The following COG8 variants were observed in gnomAD, a reference collection of about 807,000 sequenced individuals.
COG8 encodes the protein component of oligomeric golgi complex 8, also known as conserved oligomeric Golgi complex subunit 8.
A neutral mutation model predicts 46.5 loss-of-function variants in COG8; 45 were observed. That is an observed-to-expected ratio of 0.97 (90% confidence interval 0.76 to 1.24). The LOEUF is 1.24. Among genes scored for constraint, COG8 ranks in the 50% most tolerant of loss-of-function variants. The pLI, the probability that COG8 is intolerant of heterozygous loss-of-function variation, is 0.00. For synonymous variants in COG8, 407 were observed against 347.8 expected (o/e 1.17, Z -1.90); for missense variants, 793 against 820.8 (o/e 0.97, Z 0.41).
At chr16:69,338,971 C>A (rs761509409) in intron 1 of COG8, 17 of 711,120 alleles carry the variant, frequency 2.4e-5, no homozygotes, top group Admixed American at 8.8e-5. Flanking sequence ...TCCAGCCTGG[C>A]GACAGGGCGA....
chr16:69,332,757 A>T lies in COG8; in HGVS notation c.1539T>A (p.Cys513Ter). 6.2e-7 allele frequency: 1 copy of T among 1,614,200 alleles called. No homozygotes were observed. Among genetic ancestry groups the T allele is most frequent in the Non-Finnish European group, 8.5e-7 (1 of 1,180,022 alleles). The change falls in exon 4 of 6, where the codon TGT becomes TGA. Residue 513 changes from cysteine to a stop codon, truncating the protein, a stop_gained. Coordinates refer to ENST00000306875, the MANE Select transcript of COG8 (RefSeq NM_032382.5). LOFTEE classifies it high-confidence loss of function. ...LEDLVPYLNRCLQVLFPPAQI... is the reference protein window; with the variant it reads ...LEDLVPYLNR ...GAGCTGGTGGAAAAAGGACTTGGAG[A>T]CAGCGATTTAAATACGGAACAAGGT...
chr16:69,331,227 CG>C (rs754723553), intron 4 of COG8, 132 bp from the exon 5 acceptor site: 2 of 903,920 alleles, frequency 2.2e-6, no homozygotes, highest in Non-Finnish European at 3.5e-6. Context: ...GAGGGGGGGG[CG>C]GATCACCTGA....
rs1253972713 is a variant in COG8, at chr16:69,339,380, A to T, written c.173T>A (p.Leu58Gln). The T allele has an allele frequency of 6.3e-7, 1 of 1,583,212 alleles. No individual in the cohort carries two copies. Among genetic ancestry groups the T allele is most frequent in the African/African-American group, 1.3e-5 (1 of 74,496 alleles). The part of the protein sequence containing the change: ...RYLRELSGSG[L>Q]ERLRREPERL... Reference sequence around the variant, plus strand: ...CTCGGGCTCGCGCCGCAGCCGCTCCAGCCCCGAGCCGCTCAACTCCCGGAG... The same window carrying T: ...CTCGGGCTCGCGCCGCAGCCGCTCCTGCCCCGAGCCGCTCAACTCCCGGAG... Residue 58 changes from leucine to glutamine, a missense_variant, in exon 1 of 6, where the codon CTG (leucine) becomes CAG (glutamine). Transcript: ENST00000306875.
chr16:69,329,831 A>G (rs2242414), intron 5 of COG8, among the ~76,000 whole-genome samples: 53,046 of 152,096 alleles, frequency 0.35, 10,140 homozygotes, highest in African/African-American at 0.5. Context: ...AGCGGGCTCT[A>G]CCCCACAGGA....
At chr16:69,338,039 CTTTTT>C (rs905742089) in intron 1 of COG8, among the ~76,000 whole-genome samples, 2 of 151,472 alleles carry the variant, frequency 1.3e-5, no homozygotes, top group Admixed American at 6.6e-5. Flanking sequence ...GCCTTTTTTT[CTTTTT>C]TTAAGAGAGT....
chr16:69,329,407 G>A (rs1404412983), intron 5 of COG8, among the ~76,000 whole-genome samples: 1 of 152,226 alleles, frequency 6.6e-6, no homozygotes, highest in African/African-American at 2.4e-5. Flanking sequence ...CGAGCTCACT[G>A]TAGAGCTGAG....
intron 1 of COG8, 122 bp from the exon 2 acceptor site, chr16:69,336,834 C>G: frequency 1.1e-6 from 1 of 870,326 alleles, no homozygotes; most frequent in Non-Finnish European, 1.9e-6. Context: ...CCTCACACCC[C>G]ACCTATAAGG....
chr16:69,329,630 G>A (rs1206609177), intron 5 of COG8, among the ~76,000 whole-genome samples: 1 of 152,248 alleles, frequency 6.6e-6, no homozygotes, highest in Non-Finnish European at 1.5e-5. Flanking sequence ...TACCACGGGG[G>A]AATGGCCTAG....
intron 1 of COG8, among the ~76,000 whole-genome samples, chr16:69,337,148 G>A (rs2012248905): frequency 6.6e-6 from 1 of 152,048 alleles, no homozygotes; most frequent in South Asian, 2.1e-4. Context: ...AGGCATGGTG[G>A]TGCGCGCCTG....
chr16:69,328,953 A>G lies in COG8; in HGVS notation c.*253T>C. The G allele has an allele frequency of 6.4e-7, 1 of 1,555,428 alleles. No individual in the cohort carries two copies. Among genetic ancestry groups the G allele is most frequent in the Non-Finnish European group, 8.6e-7 (1 of 1,161,670 alleles). ...GCCATCCAAGTTGATGCCAAGTAAG[A>G]TTTGCCCAGCTCAAAGTGAAAGTGT... On this transcript the variant is annotated 3_prime_UTR_variant, in exon 6 of 6. Transcript: ENST00000306875.
chr16:69,338,202 G>A (rs976645117), intron 1 of COG8: 1 of 152,078 alleles, frequency 6.6e-6, no homozygotes, highest in Admixed American at 6.6e-5. Context: ...TCAACCTCCT[G>A]TGTACCTGGG....
intron 5 of COG8, chr16:69,330,094 T>C: frequency 2.5e-6 from 4 of 1,579,444 alleles, no homozygotes; most frequent in Non-Finnish European, 3.4e-6. Context: ...TGTCAAGCAC[T>C]CGCAGGCTGG....
rs2011787285 is a variant in COG8 at position 69,331,011 on chromosome 16, AG to A, written c.1666del (p.Leu556CysfsTer119). ...GAIQEPLAFI[L>X]PKRETLFTLD... ...GGTGAAAAGCGTCTCTCTCTTTGGC[AG>A]GATAAAGGCGAGGGGCTCCTGAATG... On this transcript the variant is annotated frameshift_variant, in exon 5 of 6. Coordinates refer to ENST00000306875, the MANE Select transcript of COG8 (RefSeq NM_032382.5). LOFTEE classifies it high-confidence loss of function. 1 of 1,612,516 alleles carries A rather than the reference AG, an allele frequency of 6.2e-7. No individual in the cohort carries two copies. The highest frequency in any genetic ancestry group is 8.5e-7 in the Non-Finnish European group (1 of 1,179,562).
Position 69,334,675 on chromosome 16 carries a change from G to A in COG8, c.1259C>T (p.Pro420Leu), listed in dbSNP as rs746290111. The change falls in exon 3 of 6, where the codon CCG becomes CTG. Residue 420 changes from proline (P) to leucine (L), a missense_variant. By Grantham distance (98) the Pro-to-Leu change is moderately conservative. Transcript: ENST00000306875. ...CACCATGGGTGGCTGCAGCGTCCCC[G>A]GCTGGGTGGCTGGCACAGCAGCAGG... ...NMPAAVPATQPGTLQPPMVLL... is the reference protein window; with the variant it reads ...NMPAAVPATQLGTLQPPMVLL... The A allele has an allele frequency of 2.1e-5, 34 of 1,614,096 alleles. No individual in the cohort carries two copies. Among genetic ancestry groups the A allele is most frequent in the Admixed American group, 3.3e-5 (2 of 60,002 alleles).
chr16:69,334,966 A>C lies in COG8; in HGVS notation c.968T>G (p.Val323Gly). The C allele has an allele frequency of 1.2e-6, 2 of 1,614,054 alleles. No homozygotes were observed. The highest frequency in any genetic ancestry group is 1.7e-6 in the Non-Finnish European group (2 of 1,180,024). The change falls in exon 3 of 6, where the codon GTC becomes GGC. Residue 323 changes from valine (V) to glycine (G), a missense_variant. Val to Gly is a moderately radical substitution (Grantham distance 109). Coordinates refer to ENST00000306875, the MANE Select transcript of COG8 (RefSeq NM_032382.5). The stretch of plus-strand genomic sequence containing the variant: ...CTCCAGCACCTGCAGGAATTGTGAG[A>C]CCTTCTGTAGCACCCAGCCATGGAA... ...AIFHGWVLQK[V>G]SQFLQVLETD...
intron 2 of COG8, 62 bp downstream of exon 2, chr16:69,336,443 T>C (rs2012209020): frequency 2.6e-6 from 4 of 1,529,118 alleles, no homozygotes; most frequent in Non-Finnish European, 3.6e-6. Context: ...GCTTCAGTCC[T>C]GACCACAGAA....
At chr16:69,330,568 C>A in intron 5 of COG8, 1 of 1,459,828 alleles carries the variant, frequency 6.9e-7, no homozygotes, top group Non-Finnish European at 9.0e-7. Context: ...ACAGCCGGGC[C>A]ATGGCGGCCC....
At chr16:69,337,238 G>A (rs1031191018) in intron 1 of COG8, among the ~76,000 whole-genome samples, 1 of 146,226 alleles carries the variant, frequency 6.8e-6, no homozygotes, top group Non-Finnish European at 1.5e-5. Flanking sequence ...CAGAGATGGC[G>A]CCACTGCACT....
chr16:69,338,965 G>T, intron 1 of COG8: 1 of 686,444 alleles, frequency 1.5e-6, no homozygotes, highest in Non-Finnish European at 2.4e-6. Context: ...CTGCACTCCA[G>T]CCTGGCGACA....
Sources: allele counts gnomAD v4.1 joint callset (sites outside exome capture counted in the v4.1 genomes callset), GRCh38; gene constraint gnomAD v4.1.1; transcripts MANE v1.5; gene names NCBI Gene and HGNC (gene_info 2026-07-23, HGNC 2026-07-21).